TMEM222: variants seen among roughly 807,000 people sequenced by gnomAD.
TMEM222 encodes chromosome 1 open reading frame 160.
In TMEM222, 18 loss-of-function variants were observed where a neutral mutation model predicts 25.1. The ratio of observed to expected loss-of-function variants is 0.72; its 90% CI spans 0.50 to 1.06. The LOEUF (loss-of-function observed/expected upper bound fraction) is 1.06, where lower values mean the gene tolerates loss of function less well. TMEM222 is among the 50% of genes least tolerant of loss of function. TMEM222 has a pLI of 0.00. For synonymous variants in TMEM222, 131 were observed against 117.9 expected (o/e 1.11, Z -0.72); for missense variants, 296 against 293.7 (o/e 1.01, Z -0.06).
chr1:27,323,092 C>T (rs1192036410), intron 1 of TMEM222, among the ~76,000 whole-genome samples: 1 of 152,206 alleles, frequency 6.6e-6, no homozygotes. Flanking sequence ...CCCTCCTCAC[C>T]GTGCTGGATA....
At chr1:27,326,892 G>T (rs1322554670) in intron 1 of TMEM222, among the ~76,000 whole-genome samples, 1 of 152,056 alleles carries the variant, frequency 6.6e-6, no homozygotes, top group African/African-American at 2.4e-5. Context: ...ACCACTTTGA[G>T]GGTTTCTTCT....
At chr1:27,329,994 C>T (rs186858410) in intron 1 of TMEM222, among the ~76,000 whole-genome samples, 199 of 151,986 alleles carry the variant, frequency 1.3e-3, no homozygotes, top group African/African-American at 4.6e-3. Flanking sequence ...CCCAGCTACT[C>T]GGGAGGCTGA....
chr1:27,334,704 T>C, intron 5 of TMEM222: 2 of 1,359,098 alleles, frequency 1.5e-6, no homozygotes, highest in Non-Finnish European at 9.7e-7. Context: ...GAGTCGCCCA[T>C]GGTCGCCACA....
At position 27,322,249 on chromosome 1, in the gene TMEM222, C is replaced by G. The variant is rs753855323; in HGVS notation, c.52C>G (p.Pro18Ala). 18 of 1,498,042 alleles carry G rather than the reference C, an allele frequency of 1.2e-5. No individual in the cohort carries two copies. Among genetic ancestry groups the G allele is most frequent in the Admixed American group, 4.8e-5 (2 of 41,776 alleles). 92.8% of individuals were successfully genotyped at this position (1,498,042 alleles called of 1,614,324 possible). ...SLLLLPPPPPPPRMAEVEAPT... is the reference protein window; with the variant it reads ...SLLLLPPPPPAPRMAEVEAPT... ...GCTCTTGTTGCCGCCGCCGCCACCC[C>G]CGCCCAGGATGGCGGAAGTGGAGGC... The change falls in exon 1 of 6, where the codon CCG becomes GCG. Residue 18 changes from proline to alanine, a missense_variant. By Grantham distance (27) the Pro-to-Ala change is conservative. Transcript: ENST00000374076.
rs138642984 is a variant in TMEM222, at chr1:27,327,275, A to G, written c.195-3445A>G. 5.9e-5 allele frequency among the ~76,000 whole-genome samples: 9 copies of G among 152,334 alleles called. No homozygotes were observed. In the East Asian group the frequency reaches 1.7e-3, roughly 29 times the overall value. ...ATAGCTCCTCATTAAGGTAATTTTT[A>G]CTATCCACAGAGAGATGGGAATTAG... is the stretch of plus-strand genomic sequence containing the variant. On this transcript the variant is annotated intron_variant, in intron 1 of 5. Coordinates refer to ENST00000374076, the MANE Select transcript of TMEM222 (RefSeq NM_032125.3).
At chr1:27,323,973 A>G (rs2014276254) in intron 1 of TMEM222, among the ~76,000 whole-genome samples, 1 of 152,206 alleles carries the variant, frequency 6.6e-6, no homozygotes, top group African/African-American at 2.4e-5. Context: ...TAAACAAGTA[A>G]GCTAATAAAA....
At chr1:27,330,376 G>A (rs557972872) in intron 1 of TMEM222, among the ~76,000 whole-genome samples, 8 of 151,070 alleles carry the variant, frequency 5.3e-5, no homozygotes, top group African/African-American at 1.7e-4. Context: ...CAGCCTGGGC[G>A]ACAGAGCGAG....
intron 1 of TMEM222, among the ~76,000 whole-genome samples, chr1:27,327,992 C>T (rs899752386): frequency 6.6e-5 from 10 of 152,168 alleles, no homozygotes; most frequent in Non-Finnish European, 1.2e-4. Flanking sequence ...CAGGCACTGC[C>T]GTAGTAAACA....
intron 1 of TMEM222, chr1:27,325,882 C>T: frequency 1.3e-6 from 1 of 749,468 alleles, no homozygotes; most frequent in South Asian, 1.4e-5. Flanking sequence ...ATACCTCATG[C>T]TAGCCTCACG....
chr1:27,328,140 C>T (rs1264547035), intron 1 of TMEM222, among the ~76,000 whole-genome samples: 1 of 152,116 alleles, frequency 6.6e-6, no homozygotes, highest in Non-Finnish European at 1.5e-5. Context: ...GGTGGCTGTG[C>T]TGGAAGACAC....
rs573967710 is a variant in TMEM222, at chr1:27,322,192, C to T, written c.-6C>T. 1.3e-4 allele frequency: 182 copies of T among 1,383,388 alleles called. 1 individual carries two copies. In the Admixed American group the frequency reaches 5.0e-3, roughly 38 times the overall value. 85.7% of individuals were successfully genotyped at this position (1,383,388 alleles called of 1,614,324 possible). ...CCGGGGCCAGTCGGAGCGGGGCGCGCGCCGCATGGCGGAAGCGGAAGGGAG... is the reference window on the plus strand; with the variant it reads ...CCGGGGCCAGTCGGAGCGGGGCGCGTGCCGCATGGCGGAAGCGGAAGGGAG... On this transcript the variant is annotated 5_prime_UTR_variant, in exon 1 of 6. Coordinates refer to ENST00000374076, the MANE Select transcript of TMEM222 (RefSeq NM_032125.3).
intron 1 of TMEM222, among the ~76,000 whole-genome samples, chr1:27,324,241 T>G (rs2014284300): frequency 6.6e-6 from 1 of 152,170 alleles, no homozygotes; most frequent in Admixed American, 6.5e-5. Flanking sequence ...GGAGAATCAC[T>G]TGAACCCGGG....
intron 5 of TMEM222, chr1:27,334,571 G>A (rs2014560069): frequency 6.9e-7 from 1 of 1,442,776 alleles, no homozygotes; most frequent in Admixed American, 2.8e-5. Flanking sequence ...CTGGTGAAAT[G>A]CAGGCAATGA....
In TMEM222 at chr1:27,330,646, A is replaced by AG. The variant is rs1344757986; in HGVS notation, c.195-71dup. 8.9e-6 allele frequency: 11 copies of AG among 1,242,284 alleles called. No individual in the cohort carries two copies. In the Admixed American group the frequency reaches 1.9e-4, roughly 21 times the overall value. The allele number at this position is 1,242,284 out of a possible 1,614,324, so 77.0% of individuals were successfully genotyped here. A position where few individuals can be genotyped will look rare whatever the true frequency, so the allele number is the denominator to read the frequency against. On this transcript the variant is annotated intron_variant, in intron 1 of 5. Transcript: ENST00000374076. ...ATTCACATGCTTCTGTACTGTATGA[A>AG]GGGTCCCCAGCGTCCGTCTAACTGG...
intron 3 of TMEM222, chr1:27,333,457 T>C (rs1243401644): frequency 4.3e-6 from 2 of 469,278 alleles, no homozygotes; most frequent in Non-Finnish European, 8.8e-6. Context: ...ACAACAGAAA[T>C]GTATTTCTCA....
chr1:27,335,144 A>G (rs555378200), intron 5 of TMEM222: 10 of 575,234 alleles, frequency 1.7e-5, no homozygotes, highest in African/African-American at 7.5e-5. Flanking sequence ...GCGAGGTGTC[A>G]GTAAATCACC....
Position 27,322,366 on chromosome 1 carries a change from G to T in TMEM222, c.169G>T (p.Val57Leu). The change falls in exon 1 of 6, where the codon GTG becomes TTG. Residue 57 changes from valine to leucine, a missense_variant. Transcript: ENST00000374076. The part of the protein sequence containing the change: ...VERSRFPYCV[V>L]WTPIPVLTWF... ...ACGGAGTCGCTTCCCCTACTGCGTG[G>T]TGTGGACGCCCATCCCGGTGCTCAC... 1 of 1,484,234 alleles carries T rather than the reference G, an allele frequency of 6.7e-7. No individual in the cohort carries two copies. The highest frequency in any genetic ancestry group is 9.0e-7 in the Non-Finnish European group (1 of 1,106,658). The allele number at this position is 1,484,234 out of a possible 1,614,324, so 91.9% of individuals were successfully genotyped here.
Position 27,329,843 on chromosome 1 carries a change from T to C in TMEM222, c.195-877T>C, listed in dbSNP as rs2148015803. ...CAGGCCGGGTACGGTGGCTCACGCC[T>C]GTAATTCCAGCACTTTGGGAGGCCG... On this transcript the variant is annotated intron_variant, in intron 1 of 5. Transcript: ENST00000374076. 2.0e-5 allele frequency among the ~76,000 whole-genome samples: 3 copies of C among 152,354 alleles called. 1 individual carries two copies. The highest frequency in any genetic ancestry group is 2.0e-4 in the Admixed American group (3 of 15,300).
At chr1:27,331,584 C>T (rs960046168) in intron 2 of TMEM222, among the ~76,000 whole-genome samples, 3 of 152,246 alleles carry the variant, frequency 2.0e-5, no homozygotes, top group Non-Finnish European at 4.4e-5. Context: ...CAGTGTCTCC[C>T]TCACAGGAAG....
Sources: gnomAD v4.1 joint callset for allele counts (sites outside exome capture counted in the v4.1 genomes callset) on GRCh38, gnomAD v4.1.1 for gene constraint, MANE v1.5 for transcripts, NCBI Gene and HGNC (gene_info 2026-07-23, HGNC 2026-07-21) for gene names.